Variants in DNAJC6 observed in about 807,000 individuals in gnomAD.
The protein encoded by DNAJC6 is auxilin.
A neutral mutation model predicts 110.0 loss-of-function variants in DNAJC6; 34 were observed. The ratio of observed to expected loss-of-function variants is 0.31; its 90% confidence interval spans 0.24 to 0.41. The LOEUF (loss-of-function observed/expected upper bound fraction) is 0.41. DNAJC6 is among the 10% of genes least tolerant of loss of function. The pLI is 1.00. For synonymous variants in DNAJC6, 406 were observed against 437.2 expected (o/e 0.93, Z 0.89); for missense variants, 1,031 against 1,207.8 (o/e 0.85, Z 2.17).
rs936473740 is a variant in DNAJC6, at chr1:65,385,733, C to T, written c.822C>T (p.Asp274=). ...TCAGATACCTGGGCTATATGTGTGA[C>T]CTACTGGCAGACAAGCCCTACCGCC... ...SHRRYLGYMC[D]LLADKPYRPH... The change falls in exon 7 of 19, where the codon GAC becomes GAT. Residue 274 remains aspartate, a synonymous_variant. Coordinates refer to ENST00000371069, the MANE Select transcript of DNAJC6 (RefSeq NM_001256864.2). 6.2e-7 allele frequency: 1 copy of T among 1,611,280 alleles called. No individual in the cohort carries two copies.
rs372625439 is a variant in DNAJC6, at chr1:65,406,015, G to A, written c.2373G>A (p.Gln791=). 35 of 1,614,174 alleles carry A rather than the reference G, an allele frequency of 2.2e-5. No homozygotes were observed. The highest frequency in any genetic ancestry group is 2.7e-5 in the Non-Finnish European group (32 of 1,180,046). ...GTGCCTACAACTGGCAGCAGCCACA[G>A]CCTAAGCCTCAGCCCAGCATGCCCC... ...QGGAYNWQQP[Q]PKPQPSMPHS... Residue 791 remains glutamine (Q), a synonymous_variant, in exon 16 of 19, where the codon CAG becomes CAA. Transcript: ENST00000371069.
At chr1:65,336,503 A>G (rs1645338513) in intron 1 of DNAJC6, among the ~76,000 whole-genome samples, 1 of 152,204 alleles carries the variant, frequency 6.6e-6, no homozygotes, top group African/African-American at 2.4e-5. Flanking sequence ...AAAAGGGGAA[A>G]CACAGGTAGA....
intron 15 of DNAJC6, among the ~76,000 whole-genome samples, chr1:65,402,269 G>T (rs918588478): frequency 6.6e-6 from 1 of 152,130 alleles, no homozygotes; most frequent in Non-Finnish European, 1.5e-5. Flanking sequence ...CTGTGATGCG[G>T]TGATGTTACC....
At chr1:65,267,142 C>T (rs1476483345) in intron 1 of DNAJC6, among the ~76,000 whole-genome samples, 1 of 152,116 alleles carries the variant, frequency 6.6e-6, no homozygotes, top group Non-Finnish European at 1.5e-5. Context: ...GGTGATCCAC[C>T]CGCCTCGGCC....
intron 14 of DNAJC6, among the ~76,000 whole-genome samples, chr1:65,400,073 G>T (rs1477316976): frequency 6.6e-6 from 1 of 152,046 alleles, no homozygotes; most frequent in Non-Finnish European, 1.5e-5. Flanking sequence ...CCAGCTACTT[G>T]GGAGGCTGAG....
At chr1:65,387,194 A>G (rs1238516686) in intron 8 of DNAJC6, among the ~76,000 whole-genome samples, 2 of 152,228 alleles carry the variant, frequency 1.3e-5, no homozygotes, top group Non-Finnish European at 2.9e-5. Flanking sequence ...CATACTCTTT[A>G]GAAGCCTGTG....
At chr1:65,406,264 T>C (rs1192029114) in intron 16 of DNAJC6, 131 bp downstream of exon 16, 1 of 1,301,294 alleles carries the variant, frequency 7.7e-7, no homozygotes, top group Non-Finnish European at 1.1e-6. Flanking sequence ...GGGAATCTTA[T>C]AGTTGTAGAG....
At position 65,272,305 on chromosome 1, in the gene DNAJC6, C is replaced by T. The variant is rs146571921; in HGVS notation, c.-131+7373C>T. Among the ~76,000 whole-genome samples, 6 of 152,320 alleles carry T rather than the reference C, an allele frequency of 3.9e-5. No individual in the cohort carries two copies. In the East Asian group the frequency reaches 1.2e-3, roughly 29 times the overall value. Reference sequence around the variant, plus strand: ...AACAAATATTTTTCTGTATTATGTGCATCATATGATTATTTTATTCTGTTA... The same window carrying T: ...AACAAATATTTTTCTGTATTATGTGTATCATATGATTATTTTATTCTGTTA... On this transcript the variant is annotated intron_variant, in intron 1 of 19. Coordinates refer to the DNAJC6 transcript ENST00000263441.
chr1:65,287,923 G>A (rs1164090923), intron 1 of DNAJC6, among the ~76,000 whole-genome samples: 1 of 152,132 alleles, frequency 6.6e-6, no homozygotes, highest in African/African-American at 2.4e-5. Flanking sequence ...TTAAAAGGGT[G>A]CCATTACATC....
upstream of DNAJC6, among the ~76,000 whole-genome samples, chr1:65,307,672 T>A (rs1645057418): frequency 6.6e-6 from 1 of 152,042 alleles, no homozygotes; most frequent in Non-Finnish European, 1.5e-5. Flanking sequence ...CTGTAATGAA[T>A]TAAAAGAAAA....
Position 65,415,090 on chromosome 1 carries a change from C to G in DNAJC6, c.*2065C>G, listed in dbSNP as rs1283777228. 2 of 152,176 alleles carry G rather than the reference C, an allele frequency of 1.3e-5. No individual in the cohort carries two copies. Among genetic ancestry groups the G allele is most frequent in the Non-Finnish European group, 2.9e-5 (2 of 68,034 alleles). The allele number at this position is 152,176 out of a possible 1,614,324, so 9.4% of individuals were successfully genotyped here. On this transcript the variant is annotated 3_prime_UTR_variant, in exon 19 of 19. Coordinates refer to ENST00000371069, the MANE Select transcript of DNAJC6 (RefSeq NM_001256864.2). ...CTGGACCCCTATTTATCTCAAAACT[C>G]TTAATATATGCAGACCAACAGGTCT...
intron 7 of DNAJC6, among the ~76,000 whole-genome samples, chr1:65,386,377 A>T (rs1418637247): frequency 3.9e-5 from 6 of 152,214 alleles, no homozygotes; most frequent in African/African-American, 1.4e-4. Flanking sequence ...ACATGAAATT[A>T]GTTAGGAATA....
Position 65,392,585 on chromosome 1 carries a change from G to T in DNAJC6, c.1623G>T (p.Lys541Asn). Residue 541 changes from lysine (K) to asparagine (N), a missense_variant, in exon 12 of 19, where the codon AAG becomes AAT. Transcript: ENST00000371069. ...ATGGAGTCAAGAAGCCCAGCAAAAA[G>T]CAGCAGGAGCCAGCAGCCCCTCCAC... ...KPHGVKKPSK[K>N]QQEPAAPPPP... 1 of 1,614,110 alleles carries T rather than the reference G, an allele frequency of 6.2e-7. No individual in the cohort carries two copies. The highest frequency in any genetic ancestry group is 8.5e-7 in the Non-Finnish European group (1 of 1,179,994).
rs539809317 is a variant in DNAJC6 at position 65,266,868 on chromosome 1, C to G, written c.-131+1936C>G. 9.2e-5 allele frequency among the ~76,000 whole-genome samples: 14 copies of G among 151,842 alleles called. No homozygotes were observed. In the East Asian group the frequency reaches 2.1e-3, roughly 23 times the overall value. On this transcript the variant is annotated intron_variant, in intron 1 of 19. Transcript: ENST00000263441. ...GTGTGTTTTAAGCTCAGATCCCCAG[C>G]CTTTTTCTAAGGAGAGTTGGTATTT...
intron 4 of DNAJC6, among the ~76,000 whole-genome samples, chr1:65,372,164 T>A (rs1193577084): frequency 6.6e-6 from 1 of 151,424 alleles, no homozygotes. Flanking sequence ...TGTGTGTGTG[T>A]GTGTGTGTGT....
chr1:65,331,290 C>A (rs1229582456), intron 1 of DNAJC6, among the ~76,000 whole-genome samples: 1 of 152,198 alleles, frequency 6.6e-6, no homozygotes, highest in Non-Finnish European at 1.5e-5. Flanking sequence ...CCCAGAAATT[C>A]TCAGGATTCT....
chr1:65,392,592 G>A lies in DNAJC6; in HGVS notation c.1630G>A (p.Glu544Lys). 2 of 1,614,098 alleles carry A rather than the reference G, an allele frequency of 1.2e-6. No homozygotes were observed. The highest frequency in any genetic ancestry group is 1.7e-6 in the Non-Finnish European group (2 of 1,180,004). Residue 544 changes from glutamate (E) to lysine (K), a missense_variant, in exon 12 of 19, where the codon GAG (glutamate) becomes AAG (lysine). By Grantham distance (56) the Glu-to-Lys change is moderately conservative. Transcript: ENST00000371069. ...GVKKPSKKQQ[E>K]PAAPPPPEDV... is the part of the protein sequence containing the mutation. ...CAAGAAGCCCAGCAAAAAGCAGCAG[G>A]AGCCAGCAGCCCCTCCACCCCCTGA...
intron 9 of DNAJC6, 70 bp downstream of exon 9, chr1:65,388,485 C>A: frequency 7.3e-7 from 1 of 1,373,500 alleles, no homozygotes; most frequent in South Asian, 1.2e-5. Flanking sequence ...TCAATGGCAC[C>A]AGGCTGTAGC....
intron 15 of DNAJC6, among the ~76,000 whole-genome samples, chr1:65,404,810 G>A (rs1646060076): frequency 6.6e-6 from 1 of 152,190 alleles, no homozygotes; most frequent in Admixed American, 6.6e-5. Flanking sequence ...GATGCACATA[G>A]TCTAATCCCA....
Sources: gnomAD v4.1 joint callset for allele counts (sites outside exome capture counted in the v4.1 genomes callset) on GRCh38, gnomAD v4.1.1 for gene constraint, MANE v1.5 for transcripts, NCBI Gene and HGNC (gene_info 2026-07-23, HGNC 2026-07-21) for gene names.